CDC20B: variants seen among roughly 807,000 people sequenced by gnomAD.
CDC20B encodes cell division cycle 20B, also known as cell division cycle protein 20 homolog B.
In CDC20B, 58 loss-of-function variants were observed where a neutral mutation model predicts 64.1. The ratio of observed to expected loss-of-function variants is 0.90; its 90% CI spans 0.73 to 1.13. CDC20B has a LOEUF of 1.13. Ranked by LOEUF, CDC20B falls within the 50% of genes most tolerant of loss-of-function variation. CDC20B has a pLI of 0.00. For synonymous variants in CDC20B, 243 were observed against 230.6 expected (o/e 1.05, Z -0.49); for missense variants, 597 against 633.0 (o/e 0.94, Z 0.61).
At chr5:55,159,497 G>A (rs1372052633) in intron 2 of CDC20B, among the ~76,000 whole-genome samples, 1 of 152,164 alleles carries the variant, frequency 6.6e-6, no homozygotes, top group Non-Finnish European at 1.5e-5. Context: ...ACTGCTGACT[G>A]GGGGTCATGA....
intron 5 of CDC20B, chr5:55,135,733 A>T (rs1226089885): frequency 6.6e-6 from 1 of 151,456 alleles, no homozygotes; most frequent in Non-Finnish European, 1.5e-5. Flanking sequence ...TAAACTTTGT[A>T]AAAACACTGA....
At chr5:55,144,585 G>C (rs1419909591) in intron 3 of CDC20B, among the ~76,000 whole-genome samples, 1 of 152,186 alleles carries the variant, frequency 6.6e-6, no homozygotes, top group East Asian at 1.9e-4. Flanking sequence ...GGAGAAGAAG[G>C]ATAAAAATAT....
chr5:55,124,297 A>G (rs1477998614), intron 9 of CDC20B, among the ~76,000 whole-genome samples: 2 of 152,146 alleles, frequency 1.3e-5, no homozygotes, highest in Non-Finnish European at 1.5e-5. Context: ...CCAAAGGCAG[A>G]CTAGAGTCCT....
At chr5:55,123,774 C>T (rs1742811318) in intron 9 of CDC20B, among the ~76,000 whole-genome samples, 1 of 152,120 alleles carries the variant, frequency 6.6e-6, no homozygotes, top group East Asian at 1.9e-4. Context: ...TTTCAGACAG[C>T]GTATTTTACA....
intron 5 of CDC20B, chr5:55,135,791 A>G (rs1279933141): frequency 8.1e-6 from 1 of 123,594 alleles, no homozygotes; most frequent in Non-Finnish European, 1.7e-5. Flanking sequence ...CTCATCAGCT[A>G]TCTTTAGTAT....
intron 2 of CDC20B, among the ~76,000 whole-genome samples, chr5:55,169,100 CAT>C (rs1468708545): frequency 6.6e-6 from 1 of 151,866 alleles, no homozygotes; most frequent in Non-Finnish European, 1.5e-5. Flanking sequence ...TAGAAAATAA[CAT>C]GTTGAAATTT....
intron 6 of CDC20B, among the ~76,000 whole-genome samples, chr5:55,132,052 C>CT (rs957554076): frequency 1.3e-5 from 2 of 151,302 alleles, no homozygotes; most frequent in African/African-American, 4.9e-5. Flanking sequence ...AAGCAAGACT[C>CT]TGTTTAAAAA....
chr5:55,123,794 C>G (rs1397862899), intron 9 of CDC20B, among the ~76,000 whole-genome samples: 1 of 152,068 alleles, frequency 6.6e-6, no homozygotes, highest in Non-Finnish European at 1.5e-5. Context: ...ATATATTTTG[C>G]CTACTTCAAG....
At chr5:55,161,014 G>A in intron 2 of CDC20B, 1 of 1,613,234 alleles carries the variant, frequency 6.2e-7, no homozygotes, top group Non-Finnish European at 8.5e-7. Context: ...TTGTAAACGT[G>A]GCCAGTGACT....
At chr5:55,171,902 G>C (rs1027378948) in intron 2 of CDC20B, among the ~76,000 whole-genome samples, 4 of 152,204 alleles carry the variant, frequency 2.6e-5, no homozygotes, top group African/African-American at 9.7e-5. Flanking sequence ...ACAGTGCCTA[G>C]TTGCAAAATT....
At chr5:55,163,634 G>T (rs762888009) in intron 2 of CDC20B, among the ~76,000 whole-genome samples, 2 of 151,628 alleles carry the variant, frequency 1.3e-5, no homozygotes, top group Non-Finnish European at 2.9e-5. Flanking sequence ...AGCCTCCCGA[G>T]TAGCTGGGAT....
rs187761039 is a variant in CDC20B, at chr5:55,162,961, G to A, written c.126+9627C>T. ...CCTGGCTCAACCACTCATTAGCCAC[G>A]TGACCTTGTGTCTAGGCTTCCATTT... On this transcript the variant is annotated intron_variant, in intron 2 of 11. Coordinates refer to ENST00000381375, the MANE Select transcript of CDC20B (RefSeq NM_001170402.1). 1.4e-4 allele frequency among the ~76,000 whole-genome samples: 21 copies of A among 152,254 alleles called. No individual in the cohort carries two copies. In the East Asian group the frequency reaches 3.5e-3, roughly 25 times the overall value.
intron 5 of CDC20B, chr5:55,137,647 G>A (rs1381869346): frequency 2.2e-6 from 1 of 456,688 alleles, no homozygotes; most frequent in Non-Finnish European, 4.4e-6. Flanking sequence ...CTATGGGAAG[G>A]GGAGAGACAT....
intron 2 of CDC20B, among the ~76,000 whole-genome samples, chr5:55,154,323 C>G (rs115292016): frequency 0.04 from 6,065 of 152,114 alleles, 400 homozygotes; most frequent in African/African-American, 0.14. Context: ...AGTTCCAGAC[C>G]AGGCTGGGCA....
At chr5:55,137,723 C>T in intron 5 of CDC20B, 1 of 455,520 alleles carries the variant, frequency 2.2e-6, no homozygotes, top group Non-Finnish European at 4.4e-6. Flanking sequence ...CTATTTTCAA[C>T]CTAAGTACAG....
intron 8 of CDC20B, among the ~76,000 whole-genome samples, chr5:55,125,343 A>C (rs1220952262): frequency 2.0e-5 from 3 of 152,232 alleles, no homozygotes; most frequent in African/African-American, 7.2e-5. Flanking sequence ...TTTCCCAAAG[A>C]CTAGTTTATA....
chr5:55,170,673 A>T (rs767281196), intron 2 of CDC20B: 1 of 534,830 alleles, frequency 1.9e-6, no homozygotes, highest in Non-Finnish European at 3.8e-6. Flanking sequence ...AGCAAGTGGC[A>T]GGGTAGTTGT....
intron 3 of CDC20B, among the ~76,000 whole-genome samples, 198 bp from the exon 4 acceptor site, chr5:55,143,841 C>T (rs1743398350): frequency 6.6e-6 from 1 of 151,954 alleles, no homozygotes. Flanking sequence ...TTGCAGAGAG[C>T]AGTACAGAAT....
intron 2 of CDC20B, among the ~76,000 whole-genome samples, chr5:55,168,011 C>T (rs1744471082): frequency 6.6e-6 from 1 of 152,142 alleles, no homozygotes; most frequent in South Asian, 2.1e-4. Flanking sequence ...TGTGGTGTTC[C>T]TTTGAAAGAA....
Sources: gnomAD v4.1 joint callset for allele counts (sites outside exome capture counted in the v4.1 genomes callset) on GRCh38, gnomAD v4.1.1 for gene constraint, MANE v1.5 for transcripts, NCBI Gene and HGNC (gene_info 2026-07-23, HGNC 2026-07-21) for gene names.